HDHD2: variants seen among roughly 807,000 people sequenced by gnomAD.
HDHD2 encodes the protein haloacid dehalogenase-like hydrolase domain-containing protein 2.
HDHD2 carries 26 observed loss-of-function variants against 24.8 expected under a neutral mutation model. The observed-to-expected ratio is 1.05, with a 90% CI of 0.77 to 1.45. HDHD2 has a LOEUF of 1.45. Among genes scored for constraint, HDHD2 ranks in the 40% most tolerant of loss-of-function variants. The probability of loss-of-function intolerance (pLI) is 0.00; values close to 1 mark genes in which losing one functional copy is unlikely to be tolerated. For synonymous variants in HDHD2, 128 were observed against 114.9 expected (o/e 1.11, Z -0.73); for missense variants, 299 against 313.4 (o/e 0.95, Z 0.35).
intron 4 of HDHD2, among the ~76,000 whole-genome samples, chr18:47,116,075 A>T (rs1001307780): frequency 4.6e-5 from 7 of 152,184 alleles, no homozygotes; most frequent in African/African-American, 1.7e-4. Flanking sequence ...TTCTACCTAT[A>T]GCTAAGAATC....
intron 1 of HDHD2, among the ~76,000 whole-genome samples, chr18:47,141,842 C>T (rs1443932292): frequency 1.3e-5 from 2 of 152,162 alleles, no homozygotes; most frequent in Non-Finnish European, 2.9e-5. Context: ...CCACTCGAAT[C>T]TCATCTTGAA....
At chr18:47,127,262 GAAT>G (rs1568051079) in intron 4 of HDHD2, among the ~76,000 whole-genome samples, 1 of 152,110 alleles carries the variant, frequency 6.6e-6, no homozygotes, top group East Asian at 1.9e-4. Context: ...ATAGGTTTTA[GAAT>G]AATATTTAGG....
chr18:47,142,078 C>T, intron 1 of HDHD2, among the ~76,000 whole-genome samples: 1 of 152,136 alleles, frequency 6.6e-6, no homozygotes, highest in East Asian at 1.9e-4. Flanking sequence ...GCCTCCCCAG[C>T]AATGTGGAAT....
intron 1 of HDHD2, among the ~76,000 whole-genome samples, chr18:47,143,868 A>G (rs1399309448): frequency 1.3e-5 from 2 of 152,204 alleles, no homozygotes; most frequent in Non-Finnish European, 2.9e-5. Flanking sequence ...ATAGGAGTCC[A>G]AAAAGATCTT....
chr18:47,132,246 A>T (rs1164530685), intron 3 of HDHD2, among the ~76,000 whole-genome samples: 1 of 152,090 alleles, frequency 6.6e-6, no homozygotes, highest in Non-Finnish European at 1.5e-5. Flanking sequence ...TATGCAGAGC[A>T]CTCTTTATCA....
chr18:47,111,588 T>G (rs151179025), intron 6 of HDHD2: 2 of 985,384 alleles, frequency 2.0e-6, no homozygotes, highest in East Asian at 2.3e-4. Context: ...GCTGTTACGT[T>G]CCTGGGAAGG....
chr18:47,123,447 G>A (rs760826840), intron 4 of HDHD2, among the ~76,000 whole-genome samples: 6 of 152,070 alleles, frequency 3.9e-5, no homozygotes, highest in Non-Finnish European at 8.8e-5. Flanking sequence ...AATTAGCCAG[G>A]CATGGTGGCG....
Position 47,134,597 on chromosome 18 carries a change from T to A in HDHD2, c.209A>T (p.Asp70Val). ...LRKLEFDISE[D>V]EIFTSLTAAR... ...TGCAGTCAGAGATGTGAATATTTCA[T>A]CTTCAGAGATATCAAATTCCAATTT... The change falls in exon 3 of 7, where the codon GAT becomes GTT. Residue 70 changes from aspartate (D) to valine (V), a missense_variant. Physicochemically the swap from Asp to Val is radical, Grantham distance 152 (BLOSUM62 -3). Transcript: ENST00000300605. 6.2e-7 allele frequency: 1 copy of A among 1,614,156 alleles called. No individual in the cohort carries two copies. Among genetic ancestry groups the A allele is most frequent in the South Asian group, 1.1e-5 (1 of 91,086 alleles).
chr18:47,108,649 G>T lies in HDHD2; in HGVS notation c.*33C>A. 8.8e-7 allele frequency: 1 copy of T among 1,140,090 alleles called. No homozygotes were observed. The highest frequency in any genetic ancestry group is 1.3e-6 in the Non-Finnish European group (1 of 762,234). 70.6% of individuals were successfully genotyped at this position (1,140,090 alleles called of 1,614,324 possible). A position where few individuals can be genotyped will look rare whatever the true frequency, so the allele number is the denominator to read the frequency against. On this transcript the variant is annotated 3_prime_UTR_variant, in exon 7 of 7. Transcript: ENST00000300605. Reference sequence around the variant, plus strand: ...GATTCATTCCAGACAATAAGAAGCTGCATTTCAAGTTGCTTCAGATGCACA... The same window carrying T: ...GATTCATTCCAGACAATAAGAAGCTTCATTTCAAGTTGCTTCAGATGCACA...
chr18:47,131,755 AT>A (rs1302078931), intron 3 of HDHD2, among the ~76,000 whole-genome samples: 2 of 152,290 alleles, frequency 1.3e-5, no homozygotes, highest in Admixed American at 6.5e-5. Context: ...ATTAAAAAAA[AT>A]ACCAGTATTA....
At position 47,122,528 on chromosome 18, in the gene HDHD2, G is replaced by A. The variant is rs117265734; in HGVS notation, c.396-7180C>T. Among the ~76,000 whole-genome samples the A allele has an allele frequency of 5.0e-3, 762 of 152,132 alleles. 2 individuals are homozygous for A. Among genetic ancestry groups the A allele is most frequent in the Non-Finnish European group, 8.4e-3 (571 of 68,004 alleles). Reference sequence around the variant, plus strand: ...GCAAAACTGTCCCTGATTGAGAACCGCTAAACTAAAGTAATGCCAAAGTGT... The same window carrying A: ...GCAAAACTGTCCCTGATTGAGAACCACTAAACTAAAGTAATGCCAAAGTGT... On this transcript the variant is annotated intron_variant, in intron 4 of 6. Transcript: ENST00000300605.
At chr18:47,121,161 G>A (rs756452038) in intron 4 of HDHD2, among the ~76,000 whole-genome samples, 1 of 150,862 alleles carries the variant, frequency 6.6e-6, no homozygotes, top group Non-Finnish European at 1.5e-5. Flanking sequence ...ATAAAAAGAG[G>A]TATGCCTGAA....
intron 2 of HDHD2, among the ~76,000 whole-genome samples, chr18:47,135,091 T>G: frequency 6.6e-6 from 1 of 152,124 alleles, no homozygotes; most frequent in South Asian, 2.1e-4. Context: ...AAAATGAACA[T>G]CATGACTCCT....
intron 1 of HDHD2, chr18:47,137,026 C>A: frequency 2.9e-6 from 2 of 687,760 alleles, no homozygotes; most frequent in Non-Finnish European, 5.5e-6. Context: ...CCATGGCCAA[C>A]AAAAAGCCCA....
At chr18:47,114,220 T>C (rs1484174372) in intron 5 of HDHD2, among the ~76,000 whole-genome samples, 2 of 152,192 alleles carry the variant, frequency 1.3e-5, no homozygotes, top group Admixed American at 6.5e-5. Context: ...TGAATGATTA[T>C]AGAAACAGAA....
chr18:47,143,031 T>C (rs902121059), intron 1 of HDHD2, among the ~76,000 whole-genome samples: 1 of 152,208 alleles, frequency 6.6e-6, no homozygotes, highest in Non-Finnish European at 1.5e-5. Context: ...ACATTATTTA[T>C]AATAAACCTG....
At chr18:47,123,690 A>G (rs1476908732) in intron 4 of HDHD2, among the ~76,000 whole-genome samples, 1 of 152,154 alleles carries the variant, frequency 6.6e-6, no homozygotes, top group Non-Finnish European at 1.5e-5. Context: ...ACTATAAAAC[A>G]CTGATGACAG....
chr18:47,114,860 T>C (rs2063544703), intron 5 of HDHD2, among the ~76,000 whole-genome samples: 1 of 151,228 alleles, frequency 6.6e-6, no homozygotes, highest in Non-Finnish European at 1.5e-5. Flanking sequence ...AATATATATA[T>C]ATTATAGGAG....
At chr18:47,143,794 A>G (rs999541005) in intron 1 of HDHD2, among the ~76,000 whole-genome samples, 2 of 152,228 alleles carry the variant, frequency 1.3e-5, no homozygotes, top group African/African-American at 4.8e-5. Flanking sequence ...TCTTTAAAGC[A>G]TACAAATTGT....
Sources: allele counts gnomAD v4.1 joint callset (sites outside exome capture counted in the v4.1 genomes callset), GRCh38; gene constraint gnomAD v4.1.1; transcripts MANE v1.5; gene names NCBI Gene and HGNC (gene_info 2026-07-23, HGNC 2026-07-21).